NR3C1: variants seen among roughly 807,000 people sequenced by gnomAD.
The protein encoded by NR3C1 is glucocorticoid receptor.
Under a neutral mutation model 74.0 loss-of-function variants are expected in NR3C1, and 14 were observed. That is an observed-to-expected ratio of 0.19 (90% CI 0.12 to 0.30). The LOEUF (loss-of-function observed/expected upper bound fraction) is 0.30. Among genes scored for constraint, NR3C1 ranks in the 10% least tolerant of loss-of-function variants. NR3C1 has a pLI of 1.00. For missense variants in NR3C1, 695 were observed against 909.8 expected, an observed-to-expected ratio of 0.76 and a Z score of 3.04; for synonymous variants, 308 against 332.5, an observed-to-expected ratio of 0.93 and a Z score of 0.80.
chr5:143,322,766 C>T (rs1433591326), intron 2 of NR3C1, among the ~76,000 whole-genome samples: 1 of 152,208 alleles, frequency 6.6e-6, no homozygotes, highest in Non-Finnish European at 1.5e-5. Context: ...CACATTACCC[C>T]TTTCCTTCCC....
At chr5:143,382,594 T>C (rs987953153) in intron 2 of NR3C1, among the ~76,000 whole-genome samples, 6 of 152,170 alleles carry the variant, frequency 3.9e-5, no homozygotes, top group Non-Finnish European at 2.9e-5. Flanking sequence ...GGAAACAGAG[T>C]TTACAGGGTT....
chr5:143,307,891 GA>G (rs1289020411), intron 4 of NR3C1, among the ~76,000 whole-genome samples: 1 of 152,206 alleles, frequency 6.6e-6, no homozygotes, highest in Non-Finnish European at 1.5e-5. Context: ...TTGTGGAACT[GA>G]AAGCAAACTT....
At chr5:143,297,864 A>G (rs1817648832) in intron 6 of NR3C1, among the ~76,000 whole-genome samples, 1 of 152,148 alleles carries the variant, frequency 6.6e-6, no homozygotes, top group Admixed American at 6.5e-5. Context: ...GTGAAGGAAA[A>G]CAATGGGAGA....
chr5:143,304,404 C>CA (rs2151574993), intron 4 of NR3C1, among the ~76,000 whole-genome samples: 1 of 152,052 alleles, frequency 6.6e-6, no homozygotes, highest in East Asian at 1.9e-4. Context: ...TGAAAGAAAT[C>CA]AAAGATGACA....
At chr5:143,412,272 A>C in intron 1 of NR3C1, among the ~76,000 whole-genome samples, 1 of 25,624 alleles carries the variant, frequency 3.9e-5, no homozygotes, top group East Asian at 1.3e-3. Context: ...GCAGGGGGGG[A>C]GGGGGGAGGG....
chr5:143,417,778 A>G (rs981871768), intron 1 of NR3C1, among the ~76,000 whole-genome samples: 3 of 152,192 alleles, frequency 2.0e-5, no homozygotes, highest in Admixed American at 1.3e-4. Context: ...GTCCAATAAA[A>G]GAAAGATTCT....
Position 143,317,092 on chromosome 5 carries a change from C to T in NR3C1, c.1185-2924G>A, listed in dbSNP as rs533878979. On this transcript the variant is annotated intron_variant, in intron 2 of 8. Transcript: ENST00000394464. ...AAGCTGCCAGATGTACCATAGACAT[C>T]GGTGAAAAAAGCCAATTTTTGTCAT... Among the ~76,000 whole-genome samples, 4 of 152,070 alleles carry T rather than the reference C, an allele frequency of 2.6e-5. No homozygotes were observed. The South Asian group carries it at 6.2e-4, about 24-fold the overall frequency.
intron 2 of NR3C1, among the ~76,000 whole-genome samples, chr5:143,360,167 C>T (rs1831958723): frequency 6.6e-6 from 1 of 152,298 alleles, no homozygotes; most frequent in African/African-American, 2.4e-5. Flanking sequence ...CCACATTTTA[C>T]ACACACATGA....
intron 2 of NR3C1, among the ~76,000 whole-genome samples, chr5:143,352,425 T>C (rs1331529991): frequency 6.6e-6 from 1 of 152,196 alleles, no homozygotes; most frequent in African/African-American, 2.4e-5. Flanking sequence ...TTTATATCCT[T>C]CCCTAATTAT....
In NR3C1 at chr5:143,314,103, G is replaced by C; in HGVS notation, c.1250C>G (p.Pro417Arg). 6.2e-7 allele frequency: 1 copy of C among 1,613,864 alleles called. No homozygotes were observed. The change falls in exon 3 of 9, where the codon CCT (proline) becomes CGT (arginine). Residue 417 changes from proline to arginine, a missense_variant. Around this residue, in one of 4 missense-constraint regions of NR3C1, gnomAD observed 497 missense variants for 489.5 expected, o/e 1.02. Coordinates refer to ENST00000394464, the MANE Select transcript of NR3C1 (RefSeq NM_000176.3). ...AGAGCACACCAGGCAGAGTTTGGGA[G>C]GTGGTCCTGTTGTTGCTGTTGAGGA... ...SSSSTATTGP[P>R]PKLCLVCSDE...
chr5:143,381,959 C>A (rs1325542450), intron 2 of NR3C1, among the ~76,000 whole-genome samples: 1 of 152,016 alleles, frequency 6.6e-6, no homozygotes, highest in Non-Finnish European at 1.5e-5. Context: ...TTCTGCACAG[C>A]AACGGAAACA....
In NR3C1 at chr5:143,300,184, C is replaced by T. The variant is rs915910412; in HGVS notation, c.1747+301G>A. On this transcript the variant is annotated intron_variant, in intron 5 of 8. Transcript: ENST00000394464. This position sits in a 1 kb window ranked among gnomAD's most constrained non-coding sequence, Gnocchi z 5.2. Reference sequence around the variant, plus strand: ...AAATGGAATTAACTAAAAACATTTTCTTTCCCCAAACTTCAGTGTAAAAGG... The same window carrying T: ...AAATGGAATTAACTAAAAACATTTTTTTTCCCCAAACTTCAGTGTAAAAGG... Among the ~76,000 whole-genome samples, 1 of 152,160 alleles carries T rather than the reference C, an allele frequency of 6.6e-6. No homozygotes were observed. The highest frequency in any genetic ancestry group is 2.4e-5 in the African/African-American group (1 of 41,444).
At chr5:143,432,026 G>T (rs535116018) in intron 1 of NR3C1, among the ~76,000 whole-genome samples, 22 of 152,348 alleles carry the variant, frequency 1.4e-4, no homozygotes, top group African/African-American at 5.0e-4. Flanking sequence ...CTTGGTGGGG[G>T]TGGAGGAGCA....
intron 2 of NR3C1, among the ~76,000 whole-genome samples, chr5:143,316,289 C>A (rs1028882070): frequency 1.3e-5 from 2 of 152,196 alleles, no homozygotes; most frequent in African/African-American, 2.4e-5. Flanking sequence ...CCTATTCTTG[C>A]TCAGCCAGTC....
At chr5:143,385,205 C>T (rs1409771320) in intron 2 of NR3C1, among the ~76,000 whole-genome samples, 2 of 152,220 alleles carry the variant, frequency 1.3e-5, no homozygotes, top group Non-Finnish European at 2.9e-5. Context: ...GCAGCGCAAC[C>T]CTGGGCCTGG....
At chr5:143,298,885 A>C in intron 5 of NR3C1, 73 bp from the exon 6 acceptor site, 4 of 1,502,266 alleles carry the variant, frequency 2.7e-6, no homozygotes, top group Non-Finnish European at 3.7e-6. Flanking sequence ...GCCAAGGAGC[A>C]ATGAGATCAA....
intron 2 of NR3C1, among the ~76,000 whole-genome samples, chr5:143,385,638 G>C (rs1837058420): frequency 6.6e-6 from 1 of 152,240 alleles, no homozygotes; most frequent in African/African-American, 2.4e-5. Flanking sequence ...AATGCTGTCA[G>C]TCTATTTGCT....
At chr5:143,367,521 TACTC>T (rs1387488529) in intron 2 of NR3C1, among the ~76,000 whole-genome samples, 1 of 152,216 alleles carries the variant, frequency 6.6e-6, no homozygotes, top group East Asian at 1.9e-4. Context: ...ATCTATTAAA[TACTC>T]TATTATGCTA....
chr5:143,289,420 C>T lies in NR3C1; in HGVS notation c.2023+6040G>A, dbSNP rs146686779. Reference sequence around the variant, plus strand: ...GGAAGAAAATGAACCTTGTCCCTTACCTTGCATCATATACTTAAGCATGTG... The same window carrying T: ...GGAAGAAAATGAACCTTGTCCCTTATCTTGCATCATATACTTAAGCATGTG... On this transcript the variant is annotated intron_variant, in intron 7 of 8. Transcript: ENST00000394464. Among the ~76,000 whole-genome samples the T allele has an allele frequency of 6.6e-3, 999 of 152,280 alleles. 13 individuals carry two copies. Among genetic ancestry groups the T allele is most frequent in the African/African-American group, 0.022 (909 of 41,578 alleles).
Sources: allele counts gnomAD v4.1 joint callset (sites outside exome capture counted in the v4.1 genomes callset), GRCh38; gene constraint gnomAD v4.1.1; regional missense constraint gnomAD v4.1.1; non-coding constraint Gnocchi (gnomAD v3.1); transcripts MANE v1.5; gene names NCBI Gene and HGNC (gene_info 2026-07-23, HGNC 2026-07-21).